Variants in PANK1 observed in about 807,000 individuals in gnomAD.
PANK1 encodes pantothenic acid kinase 1.
A neutral mutation model predicts 40.1 loss-of-function variants in PANK1; 18 were observed. That is an observed-to-expected ratio of 0.45 (90% CI 0.31 to 0.67). The LOEUF is 0.67. Ranked by LOEUF, PANK1 falls within the 30% of genes least tolerant of loss-of-function variation. The probability of loss-of-function intolerance (pLI) is 0.06; values close to 1 mark genes in which losing one functional copy is unlikely to be tolerated. For missense variants in PANK1, 457 were observed against 599.6 expected (o/e 0.76, Z 2.48); for synonymous variants, 242 against 237.7 (o/e 1.02, Z -0.17).
At chr10:89,603,963 C>T (rs1844864139) in intron 2 of PANK1, among the ~76,000 whole-genome samples, 1 of 152,200 alleles carries the variant, frequency 6.6e-6, no homozygotes, top group South Asian at 2.1e-4. Flanking sequence ...AAATGATGCT[C>T]TTAGGTTTAG....
chr10:89,606,583 G>A (rs1844971922), intron 2 of PANK1, among the ~76,000 whole-genome samples: 2 of 151,334 alleles, frequency 1.3e-5, no homozygotes, highest in Admixed American at 1.3e-4. Context: ...GAGTGCAGTG[G>A]CACAATCATA....
downstream of PANK1, chr10:89,580,626 C>T (rs1844034175): frequency 6.6e-6 from 1 of 152,258 alleles, no homozygotes; most frequent in African/African-American, 2.4e-5. Context: ...GTTAAGACTT[C>T]ACAAAACCTT....
chr10:89,593,535 A>G (rs78591545), intron 4 of PANK1, among the ~76,000 whole-genome samples: 5,565 of 113,578 alleles, frequency 0.049, 365 homozygotes, highest in East Asian at 0.48. Flanking sequence ...ATGGGGGGGG[A>G]AAATTAATGC....
At chr10:89,629,224 A>C (rs551654525) in intron 1 of PANK1, among the ~76,000 whole-genome samples, 2 of 152,346 alleles carry the variant, frequency 1.3e-5, no homozygotes, top group South Asian at 4.1e-4. Context: ...TTGATTGCTC[A>C]GAAGTGTTTG....
chr10:89,642,743 G>T (rs939846986), intron 1 of PANK1, among the ~76,000 whole-genome samples: 25 of 152,172 alleles, frequency 1.6e-4, no homozygotes, highest in African/African-American at 6.0e-4. Context: ...GTAGTGAAAA[G>T]GCCAGATGTG....
chr10:89,611,657 A>T (rs763892038), intron 2 of PANK1, 39 bp downstream of exon 2: 1 of 1,422,772 alleles, frequency 7.0e-7, no homozygotes, highest in Non-Finnish European at 9.7e-7. Flanking sequence ...TGGACATGTG[A>T]GAGGTTTTGA....
intron 2 of PANK1, among the ~76,000 whole-genome samples, chr10:89,601,594 A>C (rs1844788759): frequency 6.6e-6 from 1 of 152,200 alleles, no homozygotes; most frequent in Admixed American, 6.5e-5. Context: ...TTTCTTATTT[A>C]ACAAAATCCT....
intron 2 of PANK1, among the ~76,000 whole-genome samples, chr10:89,607,614 A>G (rs1263412351): frequency 6.6e-6 from 1 of 152,218 alleles, no homozygotes; most frequent in Non-Finnish European, 1.5e-5. Flanking sequence ...TATTGCAATG[A>G]AAAGCTATAT....
chr10:89,582,582 A>G (rs193036872), downstream of PANK1: 1 of 152,228 alleles, frequency 6.6e-6, no homozygotes, highest in Non-Finnish European at 1.5e-5. Flanking sequence ...ATAGGAATAG[A>G]AGAGGCCATC....
chr10:89,585,980 A>G (rs1230889142), intron 6 of PANK1, among the ~76,000 whole-genome samples: 1 of 152,228 alleles, frequency 6.6e-6, no homozygotes, highest in Admixed American at 6.5e-5. Context: ...ATATAGGGTA[A>G]CAAACCAAAG....
At chr10:89,594,800 G>T (rs1190810694) in intron 3 of PANK1, among the ~76,000 whole-genome samples, 1 of 152,148 alleles carries the variant, frequency 6.6e-6, no homozygotes, top group East Asian at 1.9e-4. Context: ...AGCCAAGAAT[G>T]AACTCAATTG....
chr10:89,580,710 T>C (rs956981845), downstream of PANK1: 2 of 152,266 alleles, frequency 1.3e-5, no homozygotes, highest in Non-Finnish European at 2.9e-5. Flanking sequence ...AGATTTCTTA[T>C]AGGACCTGGC....
intron 2 of PANK1, among the ~76,000 whole-genome samples, chr10:89,607,643 T>C (rs192274869): frequency 2.6e-5 from 4 of 152,344 alleles, no homozygotes; most frequent in Admixed American, 2.6e-4. Flanking sequence ...TTAATGACTT[T>C]TTAAAAATAA....
intron 1 of PANK1, among the ~76,000 whole-genome samples, chr10:89,617,704 G>A (rs559693283): frequency 5.3e-5 from 8 of 152,176 alleles, no homozygotes; most frequent in Non-Finnish European, 1.2e-4. Flanking sequence ...TGCTAAACTT[G>A]TAGCAGTCTC....
intron 1 of PANK1, among the ~76,000 whole-genome samples, chr10:89,640,944 G>C (rs118117016): frequency 2.6e-4 from 39 of 152,308 alleles, no homozygotes; most frequent in Non-Finnish European, 5.1e-4. Flanking sequence ...GTGTTTGTAT[G>C]CTTAATAGAA....
intron 1 of PANK1, among the ~76,000 whole-genome samples, chr10:89,621,441 A>G (rs570509269): frequency 6.6e-6 from 1 of 152,364 alleles, no homozygotes; most frequent in Non-Finnish European, 1.5e-5. Flanking sequence ...TTGATAATAT[A>G]TTCACAGAAA....
intron 1 of PANK1, among the ~76,000 whole-genome samples, chr10:89,628,774 C>G (rs1445841064): frequency 6.6e-6 from 1 of 152,228 alleles, no homozygotes; most frequent in Non-Finnish European, 1.5e-5. Flanking sequence ...CAACCCACTT[C>G]TCCATACTCT....
Position 89,611,282 on chromosome 10 carries a change from G to A in PANK1, c.645+414C>T, listed in dbSNP as rs531350266. Among the ~76,000 whole-genome samples, 12 of 152,274 alleles carry A rather than the reference G, an allele frequency of 7.9e-5. No homozygotes were observed. In the South Asian group the frequency reaches 2.3e-3, roughly 29 times the overall value. On this transcript the variant is annotated intron_variant, in intron 2 of 6. Transcript: ENST00000307534. ...GGGTAGATAGAAGTAATCATTTTTG[G>A]TAGGATTCATAGAAGCCTTCCCATG...
At chr10:89,611,666 G>A in intron 2 of PANK1, 30 bp downstream of exon 2, 1 of 1,488,734 alleles carries the variant, frequency 6.7e-7, no homozygotes, top group Non-Finnish European at 9.2e-7. Context: ...GAGAGGTTTT[G>A]ATGTTTTAAC....
Sources: gnomAD v4.1 joint callset for allele counts (sites outside exome capture counted in the v4.1 genomes callset) on GRCh38, gnomAD v4.1.1 for gene constraint, MANE v1.5 for transcripts, NCBI Gene and HGNC (gene_info 2026-07-23, HGNC 2026-07-21) for gene names.